The following TULP4 variants were observed in gnomAD, a reference collection of about 807,000 sequenced individuals.
TULP4 encodes tubby-related protein 4.
In TULP4, 16 loss-of-function variants were observed where a neutral mutation model predicts 129.0. The observed-to-expected ratio is 0.12, with a 90% CI of 0.08 to 0.19. TULP4 has a LOEUF of 0.19. TULP4 is among the 10% of genes least tolerant of loss of function. TULP4 has a pLI of 1.00. For missense variants in TULP4, 1,842 were observed against 2,059.1 expected, an observed-to-expected ratio of 0.89 and a Z score of 2.04; for synonymous variants, 998 against 854.0, an observed-to-expected ratio of 1.17 and a Z score of -2.94.
chr6:158,348,193 T>G (rs1456567897), intron 1 of TULP4, among the ~76,000 whole-genome samples: 26 of 146,772 alleles, frequency 1.8e-4, no homozygotes, highest in Non-Finnish European at 3.3e-4. Flanking sequence ...TTTTTTAGTA[T>G]TTATTGATCA....
chr6:158,356,256 C>A (rs1780646433), intron 1 of TULP4, among the ~76,000 whole-genome samples: 1 of 151,894 alleles, frequency 6.6e-6, no homozygotes, highest in Non-Finnish European at 1.5e-5. Flanking sequence ...AAAAAAGGAC[C>A]AAAGAAAGTG....
intron 1 of TULP4, among the ~76,000 whole-genome samples, chr6:158,405,313 G>C (rs1343624787): frequency 1.3e-5 from 2 of 152,180 alleles, no homozygotes; most frequent in Non-Finnish European, 2.9e-5. Context: ...GGTCGTGGGG[G>C]TGACGAAGTC....
At chr6:158,434,885 T>C (rs571228217) in intron 3 of TULP4, among the ~76,000 whole-genome samples, 100 of 152,332 alleles carry the variant, frequency 6.6e-4, no homozygotes, top group Admixed American at 1.2e-3. Flanking sequence ...TGGAAGAATT[T>C]TGTGGTAACT....
chr6:158,505,272 G>A (rs1011084836), intron 13 of TULP4, among the ~76,000 whole-genome samples: 5 of 152,126 alleles, frequency 3.3e-5, no homozygotes, highest in South Asian at 2.1e-4. Context: ...TCACGTTTTC[G>A]TTAATTCACT....
Position 158,313,815 on chromosome 6 carries a change from T to G in TULP4, c.-202T>G. 1.7e-6 allele frequency: 1 copy of G among 586,400 alleles called. No individual in the cohort carries two copies. Among genetic ancestry groups the G allele is most frequent in the Non-Finnish European group, 2.9e-6 (1 of 342,816 alleles). The allele number at this position is 586,400 out of a possible 1,614,324, so 36.3% of individuals were successfully genotyped here. Reference sequence around the variant, plus strand: ...TTTCTTAGAAGACTGCCATCATCTTTTATAGAGGAATTTTTTCACTATGCA... The same window carrying G: ...TTTCTTAGAAGACTGCCATCATCTTGTATAGAGGAATTTTTTCACTATGCA... On this transcript the variant is annotated 5_prime_UTR_variant, in exon 1 of 14. Coordinates refer to ENST00000367097, the MANE Select transcript of TULP4 (RefSeq NM_020245.5).
intron 1 of TULP4, among the ~76,000 whole-genome samples, chr6:158,259,322 A>C (rs1157355237): frequency 2.6e-5 from 4 of 152,192 alleles, no homozygotes; most frequent in Non-Finnish European, 5.9e-5. Flanking sequence ...ATTGTATCTC[A>C]TCAGGGTCAC....
chr6:158,402,782 G>A (rs949620463), intron 1 of TULP4, among the ~76,000 whole-genome samples: 4 of 151,918 alleles, frequency 2.6e-5, no homozygotes, highest in East Asian at 3.9e-4. Context: ...AGTTGATTTT[G>A]TAAAAGGTCT....
intron 1 of TULP4, among the ~76,000 whole-genome samples, chr6:158,350,851 C>A (rs556459246): frequency 2.0e-5 from 3 of 151,978 alleles, no homozygotes; most frequent in Non-Finnish European, 4.4e-5. Flanking sequence ...GCCTCCGCCT[C>A]CCGGTTTCCA....
At chr6:158,233,965 T>TA (rs201483386) in intron 1 of TULP4, among the ~76,000 whole-genome samples, 1,532 of 152,308 alleles carry the variant, frequency 0.01, 26 homozygotes, top group African/African-American at 0.034. Context: ...CTTCCGGAGT[T>TA]AAAGTCCGTA....
At chr6:158,287,325 A>G (rs1044360400) in intron 1 of TULP4, among the ~76,000 whole-genome samples, 12 of 152,242 alleles carry the variant, frequency 7.9e-5, no homozygotes, top group African/African-American at 2.9e-4. Flanking sequence ...ATAAAATAAT[A>G]TAATTTACGA....
chr6:158,425,894 C>T (rs539364143), intron 2 of TULP4, among the ~76,000 whole-genome samples: 3 of 152,240 alleles, frequency 2.0e-5, no homozygotes, highest in East Asian at 3.9e-4. Context: ...TCGCCCTGCC[C>T]TGTTTTTTGA....
rs1014847195 is a variant in TULP4 at position 158,313,323 on chromosome 6, G to T, written c.-694G>T. On this transcript the variant is annotated 5_prime_UTR_variant, in exon 1 of 14. Coordinates refer to ENST00000367097, the MANE Select transcript of TULP4 (RefSeq NM_020245.5). Reference sequence around the variant, plus strand: ...AAGTTTCTGGTTCTGAAACAACAAGGAGAGAGTCTGTTTTTCTTCCTAAAA... The same window carrying T: ...AAGTTTCTGGTTCTGAAACAACAAGTAGAGAGTCTGTTTTTCTTCCTAAAA... 3 of 395,170 alleles carry T rather than the reference G, an allele frequency of 7.6e-6. No individual in the cohort carries two copies. The highest frequency in any genetic ancestry group is 1.3e-5 in the Non-Finnish European group (3 of 224,538). The allele number at this position is 395,170 out of a possible 1,614,324, so 24.5% of individuals were successfully genotyped here.
intron 6 of TULP4, among the ~76,000 whole-genome samples, chr6:158,473,002 G>A (rs11968905): frequency 6.6e-6 from 1 of 152,294 alleles, no homozygotes; most frequent in Middle Eastern, 3.4e-3. Context: ...CAATAATTTA[G>A]GCCCAGGTTT....
intron 1 of TULP4, among the ~76,000 whole-genome samples, chr6:158,263,943 T>A (rs7383354): frequency 0.33 from 49,927 of 151,758 alleles, 9,194 homozygotes; most frequent in Admixed American, 0.45. Flanking sequence ...GGTGCCTGTA[T>A]TCCCAGCTAC....
chr6:158,452,157 C>G lies in TULP4; in HGVS notation c.748C>G (p.Pro250Ala). The change falls in exon 5 of 14, where the codon CCA (proline) becomes GCA (alanine). Residue 250 changes from proline to alanine, a missense_variant. Transcript: ENST00000367097. ...AGATGGTCCGGCAGCATATCCCATC[C>G]CAGTGCAGAACATCAAGCCTCTGCT... ...PQDGPAAYPI[P>A]VQNIKPLLTV... The G allele has an allele frequency of 6.2e-7, 1 of 1,614,178 alleles. No homozygotes were observed. Among genetic ancestry groups the G allele is most frequent in the Non-Finnish European group, 8.5e-7 (1 of 1,180,020 alleles).
intron 1 of TULP4, among the ~76,000 whole-genome samples, chr6:158,324,965 GT>G (rs1297411743): frequency 1.3e-5 from 2 of 152,200 alleles, no homozygotes; most frequent in Non-Finnish European, 2.9e-5. Flanking sequence ...GTGTTGGAGA[GT>G]AGTGGAAAGC....
At chr6:158,261,705 C>T (rs1385065527) in intron 1 of TULP4, among the ~76,000 whole-genome samples, 1 of 152,154 alleles carries the variant, frequency 6.6e-6, no homozygotes, top group Non-Finnish European at 1.5e-5. Context: ...GTTGACTGTT[C>T]ATGTAGCGGT....
In TULP4 at chr6:158,245,243, C is replaced by T. The variant is rs974683397; in HGVS notation, n.68+12940C>T. Among the ~76,000 whole-genome samples the T allele has an allele frequency of 1.1e-4, 16 of 151,912 alleles. 1 individual carries two copies. The highest frequency in any genetic ancestry group is 4.6e-4 in the Admixed American group (7 of 15,250). On this transcript the variant is annotated intron_variant and non_coding_transcript_variant, in intron 1 of 1. Transcript: ENST00000620026. ...CTCCTGGGCTCAAGGGATCCTCCTGCCTTGCCCTCCCGAAGTGTTGGGGTT... is the reference window on the plus strand; with the variant it reads ...CTCCTGGGCTCAAGGGATCCTCCTGTCTTGCCCTCCCGAAGTGTTGGGGTT...
chr6:158,352,517 C>T lies in TULP4; in HGVS notation c.252+38249C>T, dbSNP rs559727963. Among the ~76,000 whole-genome samples, 7 of 152,300 alleles carry T rather than the reference C, an allele frequency of 4.6e-5. No individual in the cohort carries two copies. The East Asian group carries it at 1.4e-3, about 29-fold the overall frequency. On this transcript the variant is annotated intron_variant, in intron 1 of 13. Transcript: ENST00000367097. Reference sequence around the variant, plus strand: ...GTTCAAGTGATTCTCCTGCGTCAGCCTCCCGAGTACCTGGGATTACAGGTG... The same window carrying T: ...GTTCAAGTGATTCTCCTGCGTCAGCTTCCCGAGTACCTGGGATTACAGGTG...
Sources: allele counts gnomAD v4.1 joint callset (sites outside exome capture counted in the v4.1 genomes callset), GRCh38; gene constraint gnomAD v4.1.1; transcripts MANE v1.5; gene names NCBI Gene and HGNC (gene_info 2026-07-23, HGNC 2026-07-21).